Variants in EYS observed in about 807,000 individuals in gnomAD.
The protein encoded by EYS is protein eyes shut homolog.
Under a neutral mutation model 282.1 loss-of-function variants are expected in EYS, and 250 were observed. The observed-to-expected ratio is 0.89, with a 90% CI of 0.80 to 0.98. The LOEUF (loss-of-function observed/expected upper bound fraction) is 0.98, where lower values mean the gene tolerates loss of function less well. EYS is among the 50% of genes least tolerant of loss of function. EYS has a pLI of 0.00. For missense variants in EYS, 4,016 were observed against 3,709.0 expected, an observed-to-expected ratio of 1.08 and a Z score of -2.15; for synonymous variants, 1,355 against 1,282.9, an observed-to-expected ratio of 1.06 and a Z score of -1.20.
intron 31 of EYS, among the ~76,000 whole-genome samples, chr6:64,177,306 T>G (rs1028853159): frequency 1.3e-5 from 2 of 149,672 alleles, no homozygotes; most frequent in Non-Finnish European, 3.0e-5. Flanking sequence ...CAAGTTAATT[T>G]CTTTTAAATG....
At chr6:65,059,159 G>GT (rs903414536) in intron 12 of EYS, among the ~76,000 whole-genome samples, 2 of 151,856 alleles carry the variant, frequency 1.3e-5, no homozygotes, top group Admixed American at 6.6e-5. Flanking sequence ...AAATATATTA[G>GT]TTTTTTTAAT....
At chr6:63,877,773 C>A (rs1411000817) in intron 35 of EYS, among the ~76,000 whole-genome samples, 1 of 152,200 alleles carries the variant, frequency 6.6e-6, no homozygotes, top group Non-Finnish European at 1.5e-5. Flanking sequence ...GCTACTGAAG[C>A]TTGTGCATGC....
chr6:65,384,220 A>G (rs940077202), intron 8 of EYS, among the ~76,000 whole-genome samples, 166 bp downstream of exon 8: 1 of 151,838 alleles, frequency 6.6e-6, no homozygotes, highest in African/African-American at 2.4e-5. Flanking sequence ...CATAATTCTT[A>G]TAAATTAAAA....
Position 64,591,034 on chromosome 6 carries a change from A to T in EYS, c.4833T>A (p.Phe1611Leu). The T allele has an allele frequency of 6.4e-7, 1 of 1,551,358 alleles. No homozygotes were observed. The highest frequency in any genetic ancestry group is 2.0e-5 in the Admixed American group (1 of 50,972). ...GAQTITSGHSFSSATEITPSV... is the reference protein window; with the variant it reads ...GAQTITSGHSLSSATEITPSV... The stretch of plus-strand genomic sequence containing the variant: ...ATGGTGTTATTTCAGTAGCAGAAGA[A>T]AATGAATGCCCAGAAGTGATAGTTT... The change falls in exon 26 of 43, where the codon TTT becomes TTA. Residue 1611 changes from phenylalanine to leucine, a missense_variant. Coordinates refer to ENST00000503581, the MANE Select transcript of EYS (RefSeq NM_001142800.2).
Position 64,350,281 on chromosome 6 carries a change from GA to G in EYS, c.6078+38408del, listed in dbSNP as rs943943392. 4.6e-4 allele frequency among the ~76,000 whole-genome samples: 69 copies of G among 151,056 alleles called. 1 individual carries two copies. Among genetic ancestry groups the G allele is most frequent in the Non-Finnish European group, 2.8e-4 (19 of 67,536 alleles). ...GTTTTAGAATATTTTAGATAAATCT[GA>G]AAAAAAGGTAAAGACTTTAAGAATG... is the stretch of plus-strand genomic sequence containing the variant. On this transcript the variant is annotated intron_variant, in intron 29 of 42. Transcript: ENST00000503581.
chr6:63,929,994 C>G (rs1346516184), intron 35 of EYS, among the ~76,000 whole-genome samples: 2 of 152,142 alleles, frequency 1.3e-5, no homozygotes, highest in Non-Finnish European at 2.9e-5. Context: ...CTTATTTACT[C>G]AATATCTCTT....
intron 14 of EYS, among the ~76,000 whole-genome samples, chr6:64,976,087 TAAATG>T (rs985859938): frequency 6.6e-6 from 1 of 151,908 alleles, no homozygotes; most frequent in Non-Finnish European, 1.5e-5. Context: ...TTTTTAAATA[TAAATG>T]AAATGAACTA....
intron 26 of EYS, among the ~76,000 whole-genome samples, chr6:64,562,972 C>T (rs1243954882): frequency 6.6e-6 from 1 of 151,796 alleles, no homozygotes; most frequent in Non-Finnish European, 1.5e-5. Flanking sequence ...AGTATTCTGA[C>T]AATAAATTCA....
intron 41 of EYS, among the ~76,000 whole-genome samples, chr6:63,754,719 G>A (rs930206223): frequency 9.2e-5 from 14 of 152,302 alleles, no homozygotes; most frequent in Non-Finnish European, 1.9e-4. Context: ...AAATGGGATT[G>A]CTGGGTCAAA....
intron 31 of EYS, among the ~76,000 whole-genome samples, chr6:64,109,074 G>A (rs78252477): frequency 0.042 from 6,416 of 152,086 alleles, 400 homozygotes; most frequent in African/African-American, 0.14. Flanking sequence ...ACCTTCCTCT[G>A]TATATTACTG....
At chr6:64,219,168 A>G (rs905033187) in intron 31 of EYS, among the ~76,000 whole-genome samples, 18 of 152,172 alleles carry the variant, frequency 1.2e-4, no homozygotes, top group Non-Finnish European at 4.4e-5. Context: ...CCTGATTTCT[A>G]CTATCCTGAT....
chr6:64,887,381 G>A (rs915530952), intron 18 of EYS, among the ~76,000 whole-genome samples: 11 of 151,838 alleles, frequency 7.2e-5, no homozygotes, highest in African/African-American at 2.7e-4. Context: ...GTATACATAT[G>A]TAACAAATCT....
intron 2 of EYS, among the ~76,000 whole-genome samples, chr6:65,516,889 A>G (rs1466706804): frequency 6.6e-6 from 1 of 152,086 alleles, no homozygotes; most frequent in Non-Finnish European, 1.5e-5. Flanking sequence ...TCCTAGTCAG[A>G]GAATACAATC....
intron 34 of EYS, among the ~76,000 whole-genome samples, chr6:63,993,373 A>G (rs2149797981): frequency 6.6e-6 from 1 of 151,886 alleles, no homozygotes; most frequent in African/African-American, 2.4e-5. Context: ...AAGTAAAATT[A>G]TTTTTTGTTC....
chr6:65,650,069 G>T (rs1229943013), intron 1 of EYS, among the ~76,000 whole-genome samples: 1 of 152,006 alleles, frequency 6.6e-6, no homozygotes. Flanking sequence ...TTATTTAATG[G>T]TTTACAAAAC....
chr6:64,601,068 T>C (rs1315781940), intron 24 of EYS, among the ~76,000 whole-genome samples: 1 of 152,090 alleles, frequency 6.6e-6, no homozygotes, highest in Non-Finnish European at 1.5e-5. Context: ...GGTTTCTCTC[T>C]AACCTTCTAC....
chr6:65,335,570 G>A lies in EYS; in HGVS notation c.1600-424C>T, dbSNP rs1174217743. ...GTGTCCTGTAGTTCACTTTTTTTAT[G>A]TGAACTGCCAAATTCCACCTCATTT... is the stretch of plus-strand genomic sequence containing the variant. On this transcript the variant is annotated intron_variant, in intron 10 of 42. Coordinates refer to ENST00000503581, the MANE Select transcript of EYS (RefSeq NM_001142800.2). Among the ~76,000 whole-genome samples, 3 of 151,568 alleles carry A rather than the reference G, an allele frequency of 2.0e-5. No homozygotes were observed. In the East Asian group the frequency reaches 5.8e-4, roughly 30 times the overall value.
At chr6:65,407,738 T>C (rs911569696) in intron 5 of EYS, among the ~76,000 whole-genome samples, 1 of 127,652 alleles carries the variant, frequency 7.8e-6, no homozygotes, top group Non-Finnish European at 1.6e-5. Flanking sequence ...TTTCAACTAA[T>C]AAGTCCGTGT....
chr6:63,722,349 TGTCACTTCCTCAGAGAA>T (rs534751729), intron 42 of EYS, among the ~76,000 whole-genome samples: 262 of 152,312 alleles, frequency 1.7e-3, no homozygotes, highest in Non-Finnish European at 3.1e-3. Context: ...TCAGATCAAG[TGTCACTTCCTCAGAGAA>T]GTTTTCCTTG....
Sources: gnomAD v4.1 joint callset for allele counts (sites outside exome capture counted in the v4.1 genomes callset) on GRCh38, gnomAD v4.1.1 for gene constraint, MANE v1.5 for transcripts, NCBI Gene and HGNC (gene_info 2026-07-23, HGNC 2026-07-21) for gene names.